PRDM15: variants seen among roughly 807,000 people sequenced by gnomAD.
PRDM15 encodes the protein PR domain zinc finger protein 15.
PRDM15 carries 64 observed loss-of-function variants against 128.6 expected under a neutral mutation model. The observed-to-expected ratio is 0.50, with a 90% CI of 0.41 to 0.61. The LOEUF (loss-of-function observed/expected upper bound fraction) is 0.61, where lower values mean the gene tolerates loss of function less well. Ranked by LOEUF, PRDM15 falls within the 20% of genes least tolerant of loss-of-function variation. The pLI is 0.00. For synonymous variants in PRDM15, 615 were observed against 621.8 expected (o/e 0.99, Z 0.16); for missense variants, 1,242 against 1,569.1 (o/e 0.79, Z 3.52).
chr21:41,810,180 G>A lies in PRDM15; in HGVS notation c.2626C>T (p.Arg876Ter), dbSNP rs141958327. 4 of 1,611,054 alleles carry A rather than the reference G, an allele frequency of 2.5e-6. No homozygotes were observed. Among genetic ancestry groups the A allele is most frequent in the East Asian group, 2.2e-5 (1 of 44,834 alleles). ...TKVSTRASMS[R>*]HMRRKHPEVL... ...TCGGGGTGCTTGCGCCGCATGTGTC[G>A]GCTCATGGAGGCCCTGGTGGACACC... The change falls in exon 21 of 24, where the codon CGA becomes TGA. Residue 876 changes from arginine (R) to a stop codon, truncating the protein, a stop_gained. Transcript: ENST00000398548. LOFTEE classifies it high-confidence loss of function. This position sits in a 1 kb window ranked among gnomAD's most constrained non-coding sequence, Gnocchi z 6.4.
intron 1 of PRDM15, chr21:41,863,161 T>G (rs1328647256): frequency 6.9e-6 from 1 of 144,710 alleles, no homozygotes; most frequent in Non-Finnish European, 1.5e-5. Flanking sequence ...CGAGTGAGAC[T>G]CCACCTCAAA....
chr21:41,866,667 A>C (rs1359732037), intron 1 of PRDM15, among the ~76,000 whole-genome samples: 1 of 152,248 alleles, frequency 6.6e-6, no homozygotes, highest in African/African-American at 2.4e-5. Flanking sequence ...TATCAGCTCA[A>C]ACAAAACGAA....
At chr21:41,816,490 C>A (rs913508297) in intron 18 of PRDM15, among the ~76,000 whole-genome samples, 1 of 152,192 alleles carries the variant, frequency 6.6e-6, no homozygotes, top group African/African-American at 2.4e-5. Context: ...GCAGCCTCCC[C>A]AGCCCCGAAG....
chr21:41,831,399 A>G (rs1376083813), intron 11 of PRDM15, among the ~76,000 whole-genome samples: 2 of 152,222 alleles, frequency 1.3e-5, no homozygotes, highest in Admixed American at 6.5e-5. Context: ...AGGTGTCTGC[A>G]GACATTGCCG....
chr21:41,868,604 C>CA (rs1477260675), intron 1 of PRDM15, among the ~76,000 whole-genome samples: 1 of 152,034 alleles, frequency 6.6e-6, no homozygotes, highest in Non-Finnish European at 1.5e-5. Flanking sequence ...AACATCTTTT[C>CA]ACGTGCTTGT....
At chr21:41,835,030 T>A (rs900956285) in intron 11 of PRDM15, among the ~76,000 whole-genome samples, 2 of 152,170 alleles carry the variant, frequency 1.3e-5, no homozygotes, top group Admixed American at 1.3e-4. Flanking sequence ...GGGCTCGCGG[T>A]TAGGAACAAC....
rs1237066017 is a variant in PRDM15, at chr21:41,799,994, G to T, written c.*1246C>A. 6.6e-6 allele frequency: 1 copy of T among 152,124 alleles called. No individual in the cohort carries two copies. The highest frequency in any genetic ancestry group is 2.4e-5 in the African/African-American group (1 of 41,366). 9.4% of individuals were successfully genotyped at this position (152,124 alleles called of 1,614,324 possible). On this transcript the variant is annotated 3_prime_UTR_variant, in exon 24 of 24. Coordinates refer to ENST00000398548, the MANE Select transcript of PRDM15 (RefSeq NM_001040424.3). ...CACGTGTCCCCGCACACGCAGACCT[G>T]GCTGTTCACCGCACATTCAGTTTTA... is the stretch of plus-strand genomic sequence containing the variant.
chr21:41,873,218 CCCTTT>C (rs2064277196), intron 1 of PRDM15, among the ~76,000 whole-genome samples: 1 of 152,180 alleles, frequency 6.6e-6, no homozygotes, highest in Non-Finnish European at 1.5e-5. Context: ...CTCGTTGCTC[CCCTTT>C]CCTTAGTCTA....
chr21:41,840,317 G>A (rs1308356825), intron 6 of PRDM15, among the ~76,000 whole-genome samples: 3 of 151,924 alleles, frequency 2.0e-5, no homozygotes, highest in Non-Finnish European at 4.4e-5. Context: ...GTGGTGGTGT[G>A]TGCCTGTAGT....
chr21:41,874,288 T>C (rs928530495), intron 1 of PRDM15, among the ~76,000 whole-genome samples: 3 of 151,482 alleles, frequency 2.0e-5, no homozygotes, highest in Middle Eastern at 3.4e-3. Context: ...AGAATGAGAA[T>C]AGGCAGAGAG....
At chr21:41,863,626 G>C (rs1342229869) in intron 1 of PRDM15, among the ~76,000 whole-genome samples, 1 of 151,906 alleles carries the variant, frequency 6.6e-6, no homozygotes, top group Non-Finnish European at 1.5e-5. Flanking sequence ...TCAGGCAAAT[G>C]GGGGGTGACT....
intron 21 of PRDM15, among the ~76,000 whole-genome samples, chr21:41,806,066 T>C (rs868446069): frequency 0.13 from 1,001 of 7,492 alleles, 1 homozygote; most frequent in Middle Eastern, 0.5. Flanking sequence ...ACCATCACCA[T>C]CACCACCACC....
intron 10 of PRDM15, among the ~76,000 whole-genome samples, chr21:41,835,904 C>G (rs957045889): frequency 1.4e-5 from 2 of 138,414 alleles, no homozygotes; most frequent in Non-Finnish European, 3.2e-5. Context: ...GCACCCACAG[C>G]CCTCGCCCAC....
At chr21:41,853,076 C>T (rs2063477811) in intron 5 of PRDM15, among the ~76,000 whole-genome samples, 1 of 152,228 alleles carries the variant, frequency 6.6e-6, no homozygotes, top group South Asian at 2.1e-4. Context: ...CAGAAGGGAC[C>T]AGCCCTGCTG....
chr21:41,858,014 G>A (rs2063690241), intron 3 of PRDM15, among the ~76,000 whole-genome samples: 1 of 152,218 alleles, frequency 6.6e-6, no homozygotes, highest in African/African-American at 2.4e-5. Context: ...GCTGCTACGG[G>A]ACAGAACAGG....
At chr21:41,866,747 T>C (rs1049453106) in intron 1 of PRDM15, among the ~76,000 whole-genome samples, 8 of 152,144 alleles carry the variant, frequency 5.3e-5, no homozygotes, top group Admixed American at 4.6e-4. Flanking sequence ...GCTGTTCATT[T>C]GGGGCAGCAG....
intron 4 of PRDM15, among the ~76,000 whole-genome samples, chr21:41,855,731 A>G (rs1009486313): frequency 2.0e-5 from 3 of 152,196 alleles, no homozygotes; most frequent in Non-Finnish European, 4.4e-5. Flanking sequence ...AATGGGCACA[A>G]AAGACTTCTT....
Position 41,801,591 on chromosome 21 carries a change from C to T in PRDM15, c.3075G>A (p.Gly1025=), listed in dbSNP as rs754284282. ...QFTNLQPVAV[G]HLTTPERQLQ... is the part of the protein sequence containing the mutation. Reference sequence around the variant, plus strand: ...ACTGGCGTTCAGGGGTGGTAAGGTGCCCCACGGCCACCGGCTGGAGATTGG... The same window carrying T: ...ACTGGCGTTCAGGGGTGGTAAGGTGTCCCACGGCCACCGGCTGGAGATTGG... Residue 1025 remains glycine, a synonymous_variant, in exon 24 of 24, where the codon GGG becomes GGA. Transcript: ENST00000398548. 3.1e-6 allele frequency: 5 copies of T among 1,614,090 alleles called. No individual in the cohort carries two copies. The highest frequency in any genetic ancestry group is 2.2e-5 in the South Asian group (2 of 91,080).
chr21:41,828,741 C>G lies in PRDM15; in HGVS notation c.1367-408G>C, dbSNP rs114366268. On this transcript the variant is annotated intron_variant, in intron 11 of 23. Coordinates refer to ENST00000398548, the MANE Select transcript of PRDM15 (RefSeq NM_001040424.3). This position sits in a 1 kb window ranked among gnomAD's most constrained non-coding sequence, Gnocchi z 5.7. ...AATGACCTACCTACCAACCAACCAA[C>G]CAACCACCCGAGCAACTGACCACCC... Among the ~76,000 whole-genome samples, 1 of 139,586 alleles carries G rather than the reference C, an allele frequency of 7.2e-6. No individual in the cohort carries two copies. Among genetic ancestry groups the G allele is most frequent in the African/African-American group, 2.6e-5 (1 of 38,150 alleles). 91.6% of individuals were successfully genotyped at this position (139,586 alleles called of 152,430 possible).
Sources: allele counts gnomAD v4.1 joint callset (sites outside exome capture counted in the v4.1 genomes callset), GRCh38; gene constraint gnomAD v4.1.1; non-coding constraint Gnocchi (gnomAD v3.1); transcripts MANE v1.5; gene names NCBI Gene and HGNC (gene_info 2026-07-23, HGNC 2026-07-21).